COLGALT2: variants seen among roughly 807,000 people sequenced by gnomAD.
The protein encoded by COLGALT2 is collagen beta(1-O)galactosyltransferase 2.
COLGALT2 carries 49 observed loss-of-function variants against 73.4 expected under a neutral mutation model. That is an observed-to-expected ratio of 0.67 (90% CI 0.53 to 0.85). The LOEUF (loss-of-function observed/expected upper bound fraction) is 0.85. COLGALT2 is among the 40% of genes least tolerant of loss of function. The pLI, the probability that COLGALT2 is intolerant of heterozygous loss-of-function variation, is 0.00. For synonymous variants in COLGALT2, 295 were observed against 307.6 expected (o/e 0.96, Z 0.43); for missense variants, 722 against 790.2 (o/e 0.91, Z 1.03).
chr1:183,977,303 C>G (rs1335038345), intron 2 of COLGALT2, among the ~76,000 whole-genome samples: 1 of 151,720 alleles, frequency 6.6e-6, no homozygotes, highest in African/African-American at 2.4e-5. Flanking sequence ...AATCCCCTCT[C>G]TACTCAAAAT....
chr1:183,968,503 C>T (rs887266622), intron 5 of COLGALT2, among the ~76,000 whole-genome samples: 33 of 152,202 alleles, frequency 2.2e-4, no homozygotes, highest in African/African-American at 7.7e-4. Flanking sequence ...TGAGACTGTT[C>T]GGTGCCTCTT....
chr1:183,943,248 G>C (rs1211944331), intron 10 of COLGALT2, among the ~76,000 whole-genome samples: 1 of 152,154 alleles, frequency 6.6e-6, no homozygotes, highest in Non-Finnish European at 1.5e-5. Flanking sequence ...ATTCCACCTG[G>C]GCCCACAGTT....
At chr1:183,939,303 G>GT (rs774705934) in intron 11 of COLGALT2, among the ~76,000 whole-genome samples, 3 of 152,204 alleles carry the variant, frequency 2.0e-5, no homozygotes, top group Non-Finnish European at 4.4e-5. Flanking sequence ...GACTCCAAAA[G>GT]TTAAAAAGTA....
downstream of COLGALT2, among the ~76,000 whole-genome samples, chr1:183,932,808 G>C (rs1013035862): frequency 6.6e-6 from 1 of 152,102 alleles, no homozygotes; most frequent in Non-Finnish European, 1.5e-5. Flanking sequence ...TGAGAGATCG[G>C]CCACCACACA....
At chr1:184,030,034 G>A (rs1431694266) in intron 1 of COLGALT2, among the ~76,000 whole-genome samples, 1 of 152,190 alleles carries the variant, frequency 6.6e-6, no homozygotes, top group African/African-American at 2.4e-5. Flanking sequence ...TCACTGGCAG[G>A]TGGTATAGAG....
chr1:183,977,836 A>AGAGAAAGAAGAGAAG (rs1263866415), intron 2 of COLGALT2, among the ~76,000 whole-genome samples: 1 of 132,360 alleles, frequency 7.6e-6, no homozygotes, highest in African/African-American at 2.9e-5. Flanking sequence ...GAGAGAGAGA[A>AGAGAAAGAAGAGAAG]AGAAGAGAAG....
chr1:183,985,421 C>T (rs774053717), intron 1 of COLGALT2, among the ~76,000 whole-genome samples: 8 of 152,088 alleles, frequency 5.3e-5, no homozygotes, highest in South Asian at 2.1e-4. Flanking sequence ...TACAGGCATG[C>T]GCCACCATGC....
intron 6 of COLGALT2, among the ~76,000 whole-genome samples, chr1:183,961,607 C>T (rs958329095): frequency 6.6e-6 from 1 of 152,182 alleles, no homozygotes; most frequent in Non-Finnish European, 1.5e-5. Flanking sequence ...GATGAAGAAA[C>T]TGAAGTCCTG....
intron 1 of COLGALT2, among the ~76,000 whole-genome samples, chr1:183,987,193 G>A (rs1671511544): frequency 6.6e-6 from 1 of 152,126 alleles, no homozygotes; most frequent in Admixed American, 6.5e-5. Flanking sequence ...AGACAAATAT[G>A]TTTCTCATTT....
chr1:183,931,806 A>G (rs907426622), downstream of COLGALT2, among the ~76,000 whole-genome samples: 27 of 151,882 alleles, frequency 1.8e-4, no homozygotes, highest in East Asian at 5.8e-4. Flanking sequence ...TAAAAAAAAA[A>G]AAAAAGAAGA....
At chr1:183,935,626 T>C (rs1260517797), downstream of COLGALT2, among the ~76,000 whole-genome samples, 1 of 152,164 alleles carries the variant, frequency 6.6e-6, no homozygotes, top group Non-Finnish European at 1.5e-5. Flanking sequence ...CTTGGAATCC[T>C]TTTCAGCTTA....
intron 1 of COLGALT2, among the ~76,000 whole-genome samples, chr1:184,009,530 G>T (rs1270549384): frequency 6.6e-6 from 1 of 151,896 alleles, no homozygotes; most frequent in Non-Finnish European, 1.5e-5. Flanking sequence ...GTTTTTTCTT[G>T]TCTTATTCTC....
intron 8 of COLGALT2, among the ~76,000 whole-genome samples, chr1:183,947,815 TG>T (rs1670291967): frequency 6.6e-6 from 1 of 151,936 alleles, no homozygotes; most frequent in Non-Finnish European, 1.5e-5. Flanking sequence ...GTCAGTCCTC[TG>T]AAAAGATCAA....
intron 10 of COLGALT2, among the ~76,000 whole-genome samples, chr1:183,942,131 C>G (rs928628136): frequency 3.3e-5 from 5 of 151,836 alleles, no homozygotes; most frequent in East Asian, 1.9e-4. Flanking sequence ...TGTATTTTTA[C>G]TAGAGACGTG....
downstream of COLGALT2, among the ~76,000 whole-genome samples, chr1:183,932,099 G>A (rs189021259): frequency 5.3e-5 from 8 of 151,710 alleles, no homozygotes; most frequent in East Asian, 1.5e-3. Flanking sequence ...GTATCAGGCT[G>A]TGTGTGTGTG....
At position 183,937,085 on chromosome 1, in the gene COLGALT2, G is replaced by A; in HGVS notation, c.*1676C>T. 8.1e-7 allele frequency: 1 copy of A among 1,231,264 alleles called. No individual in the cohort carries two copies. The highest frequency in any genetic ancestry group is 1.0e-6 in the Non-Finnish European group (1 of 987,888). 76.3% of individuals were successfully genotyped at this position (1,231,264 alleles called of 1,614,324 possible). ...TGGGCAGTGAACTGAAGAATTAGGT[G>A]TCTGGCTTAAAGTGTATCTTACACT... is the stretch of plus-strand genomic sequence containing the variant. On this transcript the variant is annotated 3_prime_UTR_variant, in exon 12 of 12. Coordinates refer to ENST00000361927, the MANE Select transcript of COLGALT2 (RefSeq NM_015101.4).
Position 183,944,659 on chromosome 1 carries a change from G to A in COLGALT2, c.1270-336C>T, listed in dbSNP as rs951050234. Among the ~76,000 whole-genome samples, 3 of 152,096 alleles carry A rather than the reference G, an allele frequency of 2.0e-5. No homozygotes were observed. The East Asian group carries it at 5.8e-4, about 29-fold the overall frequency. ...AAGTCAGGATGGTGACTGCCCTTGGGGACTGATGACCAGAAGGCAGTACGG... is the reference window on the plus strand; with the variant it reads ...AAGTCAGGATGGTGACTGCCCTTGGAGACTGATGACCAGAAGGCAGTACGG... On this transcript the variant is annotated intron_variant, in intron 9 of 11. Transcript: ENST00000361927.
chr1:184,034,539 A>AG lies in COLGALT2; in HGVS notation c.263+2555_263+2556insC, dbSNP rs1553214004. 3.0e-3 allele frequency among the ~76,000 whole-genome samples: 460 copies of AG among 150,962 alleles called. 2 individuals carry two copies. Among genetic ancestry groups the AG allele is most frequent in the African/African-American group, 0.01 (428 of 41,186 alleles). Reference sequence around the variant, plus strand: ...ATGAATCATATTTATCTGTAAAAAAACACACATATCTAAATACACTTTTTT... The same window carrying AG: ...ATGAATCATATTTATCTGTAAAAAAAGCACACATATCTAAATACACTTTTTT... On this transcript the variant is annotated intron_variant, in intron 1 of 11. Coordinates refer to ENST00000361927, the MANE Select transcript of COLGALT2 (RefSeq NM_015101.4).
chr1:183,963,261 T>C (rs1572641790), intron 6 of COLGALT2, among the ~76,000 whole-genome samples: 1 of 152,186 alleles, frequency 6.6e-6, no homozygotes, highest in East Asian at 1.9e-4. Context: ...AGCAGAATGA[T>C]CTAGGGCAAG....
Sources: gnomAD v4.1 joint callset for allele counts (sites outside exome capture counted in the v4.1 genomes callset) on GRCh38, gnomAD v4.1.1 for gene constraint, MANE v1.5 for transcripts, NCBI Gene and HGNC (gene_info 2026-07-23, HGNC 2026-07-21) for gene names.